GPR132: variants seen among roughly 807,000 people sequenced by gnomAD.
GPR132 encodes probable G protein-coupled receptor 132.
A neutral mutation model predicts 1.9 loss-of-function variants in GPR132; 4 were observed. The observed-to-expected ratio is 2.13, with a 90% CI of 1.05 to 4.87. The LOEUF (loss-of-function observed/expected upper bound fraction) is 4.87. Ranked by LOEUF, GPR132 falls within the 30% of genes most tolerant of loss-of-function variation. The pLI is 0.01. For synonymous variants in GPR132, 233 were observed against 234.2 expected, an observed-to-expected ratio of 0.99 and a Z score of 0.05; for missense variants, 404 against 512.5, an observed-to-expected ratio of 0.79 and a Z score of 2.04.
chr14:105,055,607 T>C lies in GPR132; in HGVS notation c.-187A>G, dbSNP rs1467593887. The stretch of plus-strand genomic sequence containing the variant: ...ACGTGGGTGGGCATCTCTGCGTGTC[T>C]TCAGCGTGTGTCCTTCCGTGTCTCA... On this transcript the variant is annotated 5_prime_UTR_variant, in exon 3 of 4. Coordinates refer to ENST00000329797, the MANE Select transcript of GPR132 (RefSeq NM_013345.4). This position sits in a 1 kb window ranked among gnomAD's most constrained non-coding sequence, Gnocchi z 4.7. The C allele has an allele frequency of 1.5e-5, 10 of 645,914 alleles. No individual in the cohort carries two copies. The highest frequency in any genetic ancestry group is 1.1e-4 in the South Asian group (6 of 55,570). 40.0% of individuals were successfully genotyped at this position (645,914 alleles called of 1,614,324 possible). A position where few individuals can be genotyped will look rare whatever the true frequency, so the allele number is the denominator to read the frequency against.
chr14:105,061,499 C>T (rs1886941275), intron 1 of GPR132, among the ~76,000 whole-genome samples: 1 of 152,160 alleles, frequency 6.6e-6, no homozygotes, highest in Admixed American at 6.5e-5. Context: ...AGCCCAGTGG[C>T]CCCACCCGCC....
Position 105,057,260 on chromosome 14 carries a change from A to G in GPR132, c.-840T>C, listed in dbSNP as rs1886818871. The G allele has an allele frequency of 1.1e-6, 1 of 896,588 alleles. No homozygotes were observed. The highest frequency in any genetic ancestry group is 1.7e-5 in the African/African-American group (1 of 60,558). 55.5% of individuals were successfully genotyped at this position (896,588 alleles called of 1,614,324 possible). ...TCTTGTCGGTCCTATCAAGACGTTC[A>G]CTCTGAGAGTTTAAAATGACCTGGA... On this transcript the variant is annotated 5_prime_UTR_variant, in exon 2 of 4. Coordinates refer to ENST00000329797, the MANE Select transcript of GPR132 (RefSeq NM_013345.4).
chr14:105,065,212 G>A (rs577201391), intron 1 of GPR132, among the ~76,000 whole-genome samples, 167 bp downstream of exon 1: 3 of 152,162 alleles, frequency 2.0e-5, no homozygotes, highest in South Asian at 2.1e-4. Flanking sequence ...GGGTTCTCTC[G>A]GGAGGGACCC....
intron 1 of GPR132, among the ~76,000 whole-genome samples, chr14:105,058,440 AAGAC>A (rs1230362368): frequency 2.0e-5 from 3 of 152,258 alleles, no homozygotes; most frequent in African/African-American, 7.2e-5. Flanking sequence ...GAATATCTGA[AAGAC>A]AGTCTTTTAA....
Position 105,051,163 on chromosome 14 carries a change from C to A in GPR132, c.974G>T (p.Gly325Val). ...TGTCTTCATGGACCACTCTTTCCAC[C>A]CCTTATGGATTCTGGACACTTCTTG... ...SRQEVSRIHKGWKEWSMKTDV... is the reference protein window; with the variant it reads ...SRQEVSRIHKVWKEWSMKTDV... Residue 325 changes from glycine (G) to valine (V), a missense_variant, in exon 4 of 4, where the codon GGG becomes GTG. Gly to Val is a moderately radical substitution (Grantham distance 109). Coordinates refer to ENST00000329797, the MANE Select transcript of GPR132 (RefSeq NM_013345.4). The surrounding 1 kb of genome is among the most constrained non-coding windows in gnomAD (Gnocchi z 8.0). The A allele has an allele frequency of 1.2e-6, 2 of 1,614,182 alleles. No homozygotes were observed. Among genetic ancestry groups the A allele is most frequent in the Admixed American group, 1.7e-5 (1 of 60,022 alleles).
intron 1 of GPR132, chr14:105,057,511 C>CTTTTTTT (rs11299805): frequency 1.5e-4 from 13 of 88,862 alleles, no homozygotes; most frequent in East Asian, 3.1e-4. Context: ...ACATACGATT[C>CTTTTTTT]TTTTTTTTTT....
intron 1 of GPR132, among the ~76,000 whole-genome samples, chr14:105,064,176 G>C (rs1161119439): frequency 1.3e-5 from 2 of 152,046 alleles, no homozygotes; most frequent in Non-Finnish European, 2.9e-5. Context: ...CACGGTTGCT[G>C]GCCATTCCTA....
intron 1 of GPR132, among the ~76,000 whole-genome samples, chr14:105,058,361 A>T (rs929767043): frequency 2.0e-5 from 3 of 152,262 alleles, no homozygotes; most frequent in African/African-American, 7.2e-5. Context: ...CCCCGTCTCA[A>T]GAAAAAAGAA....
chr14:105,057,236 CT>C lies in GPR132; in HGVS notation c.-817del. ...AGCTTTCTAAGTACATGTCATGCGTCTTGTCGGTCCTATCAAGACGTTCACT... is the reference window on the plus strand; with the variant it reads ...AGCTTTCTAAGTACATGTCATGCGTCTGTCGGTCCTATCAAGACGTTCACT... On this transcript the variant is annotated 5_prime_UTR_variant, in exon 2 of 4. Transcript: ENST00000329797. The C allele has an allele frequency of 8.4e-7, 1 of 1,193,774 alleles. No homozygotes were observed. Among genetic ancestry groups the C allele is most frequent in the Non-Finnish European group, 1.2e-6 (1 of 835,702 alleles). The allele number at this position is 1,193,774 out of a possible 1,614,324, so 73.9% of individuals were successfully genotyped here.
rs768590591 is a variant in GPR132 at position 105,051,708 on chromosome 14, G to A, written c.429C>T (p.Ala143=). ...CCCGACTCTCCAGCGCGTACACCAC[G>A]GCCACGAAGCGGTCGCAGGAGATGC... The part of the protein sequence containing the change: ...LCCISCDRFV[A]VVYALESRGR... The change falls in exon 4 of 4, where the codon GCC becomes GCT. Residue 143 remains alanine, a synonymous_variant. Coordinates refer to ENST00000329797, the MANE Select transcript of GPR132 (RefSeq NM_013345.4). This position sits in a 1 kb window ranked among gnomAD's most constrained non-coding sequence, Gnocchi z 8.0. 1.7e-5 allele frequency: 27 copies of A among 1,613,942 alleles called. No homozygotes were observed. The highest frequency in any genetic ancestry group is 2.2e-5 in the South Asian group (2 of 91,090).
At position 105,051,568 on chromosome 14, in the gene GPR132, A is replaced by G. The variant is rs780674711; in HGVS notation, c.569T>C (p.Leu190Pro). Residue 190 changes from leucine to proline, a missense_variant, in exon 4 of 4, where the codon CTG becomes CCG. Coordinates refer to ENST00000329797, the MANE Select transcript of GPR132 (RefSeq NM_013345.4). The surrounding 1 kb of genome is among the most constrained non-coding windows in gnomAD (Gnocchi z 8.0). ...TEDKETCFDM[L>P]QMDSRIAGYY... Reference sequence around the variant, plus strand: ...CCCGGCAATCCTGCTGTCCATCTGCAGCATGTCAAAGCAGGTCTCCTTGTC... The same window carrying G: ...CCCGGCAATCCTGCTGTCCATCTGCGGCATGTCAAAGCAGGTCTCCTTGTC... The G allele has an allele frequency of 2.5e-6, 4 of 1,614,040 alleles. No homozygotes were observed. The highest frequency in any genetic ancestry group is 2.7e-5 in the African/African-American group (2 of 75,048).
chr14:105,054,240 C>G lies in GPR132; in HGVS notation c.34+1147G>C, dbSNP rs889427986. ...GGGCGGGGCAAACTTCAGCTGTGCC[C>G]TGGCGCGAGGTCAGGGGTCCCTGGG... On this transcript the variant is annotated intron_variant, in intron 3 of 3. Transcript: ENST00000329797. The G allele has an allele frequency of 6.6e-5, 78 of 1,175,778 alleles. No homozygotes were observed. The African/African-American group carries it at 8.7e-4, about 13-fold the overall frequency. 72.8% of individuals were successfully genotyped at this position (1,175,778 alleles called of 1,614,324 possible). A position where few individuals can be genotyped will look rare whatever the true frequency, so the allele number is the denominator to read the frequency against.
Position 105,051,788 on chromosome 14 carries a change from C to T in GPR132, c.349G>A (p.Val117Met). ...RWTLGLLACK[V>M]TAYIFFCNIY... ...TTGCAGAAGAAGATGTAGGCGGTCACCTTGCAGGCCAGCAGGCCTAGGGTC... is the reference window on the plus strand; with the variant it reads ...TTGCAGAAGAAGATGTAGGCGGTCATCTTGCAGGCCAGCAGGCCTAGGGTC... The change falls in exon 4 of 4, where the codon GTG (valine) becomes ATG (methionine). Residue 117 changes from valine (V) to methionine (M), a missense_variant. Val to Met is a conservative substitution (Grantham distance 21). Coordinates refer to ENST00000329797, the MANE Select transcript of GPR132 (RefSeq NM_013345.4). This position sits in a 1 kb window ranked among gnomAD's most constrained non-coding sequence, Gnocchi z 8.0. 2 of 1,614,136 alleles carry T rather than the reference C, an allele frequency of 1.2e-6. No homozygotes were observed. The highest frequency in any genetic ancestry group is 1.7e-6 in the Non-Finnish European group (2 of 1,180,036).
Position 105,051,837 on chromosome 14 carries a change from G to A in GPR132, c.300C>T (p.Ile100=). 1 of 1,614,146 alleles carries A rather than the reference G, an allele frequency of 6.2e-7. No homozygotes were observed. Among genetic ancestry groups the A allele is most frequent in the Non-Finnish European group, 8.5e-7 (1 of 1,180,042 alleles). Residue 100 remains isoleucine (I), a synonymous_variant, in exon 4 of 4, where the codon ATC becomes ATT. Coordinates refer to ENST00000329797, the MANE Select transcript of GPR132 (RefSeq NM_013345.4). This position sits in a 1 kb window ranked among gnomAD's most constrained non-coding sequence, Gnocchi z 8.0. ...TCCAGCGGTGCTGGTTGCGGATATAGATGACCCAGAGTGGCAGCGTGCCTG... is the reference window on the plus strand; with the variant it reads ...TCCAGCGGTGCTGGTTGCGGATATAAATGACCCAGAGTGGCAGCGTGCCTG... The part of the protein sequence containing the change: ...LYTGTLPLWV[I]YIRNQHRWTL...
chr14:105,059,573 C>CA lies in GPR132; in HGVS notation c.-860-2294_-860-2293insT, dbSNP rs551537034. On this transcript the variant is annotated intron_variant, in intron 1 of 3. Transcript: ENST00000329797. The surrounding 1 kb of genome is among the most constrained non-coding windows in gnomAD (Gnocchi z 4.2). Reference sequence around the variant, plus strand: ...AATGCAACCATTTGTCTCTCGCCTACCTGTGTAGGCGAGAGACAAATGGTT... The same window carrying CA: ...AATGCAACCATTTGTCTCTCGCCTACACTGTGTAGGCGAGAGACAAATGGTT... Among the ~76,000 whole-genome samples the CA allele has an allele frequency of 1.5e-3, 223 of 151,958 alleles. 2 individuals are homozygous for CA. The highest frequency in any genetic ancestry group is 3.8e-3 in the African/African-American group (156 of 41,464).
Position 105,059,470 on chromosome 14 carries a change from T to G in GPR132, c.-860-2190A>C, listed in dbSNP as rs1243004345. On this transcript the variant is annotated intron_variant, in intron 1 of 3. Transcript: ENST00000329797. The surrounding 1 kb of genome is among the most constrained non-coding windows in gnomAD (Gnocchi z 4.2). ...CAGCGCCGATCTGCCTGGCGTTCTA[T>G]TCAGTCATCCCTCTGCTCACTGAGA... Among the ~76,000 whole-genome samples the G allele has an allele frequency of 1.3e-5, 2 of 152,176 alleles. No individual in the cohort carries two copies. The highest frequency in any genetic ancestry group is 2.9e-5 in the Non-Finnish European group (2 of 68,024).
At chr14:105,052,785 T>C (rs1196186229) in intron 3 of GPR132, among the ~76,000 whole-genome samples, 2 of 151,454 alleles carry the variant, frequency 1.3e-5, no homozygotes, top group African/African-American at 4.8e-5. Context: ...GGAGAAACCC[T>C]GTCTCTACTA....
At chr14:105,057,441 G>A in intron 1 of GPR132, 161 bp from the exon 2 acceptor site, 1 of 397,056 alleles carries the variant, frequency 2.5e-6, no homozygotes, top group Non-Finnish European at 4.5e-6. Context: ...TCCCACATGA[G>A]AAACACAAGC....
At chr14:105,062,547 T>TA (rs1886974342) in intron 1 of GPR132, among the ~76,000 whole-genome samples, 1 of 147,166 alleles carries the variant, frequency 6.8e-6, no homozygotes, top group African/African-American at 2.5e-5. Context: ...TTTCTTTTTT[T>TA]TTTTTTTTTT....
Sources: gnomAD v4.1 joint callset for allele counts (sites outside exome capture counted in the v4.1 genomes callset) on GRCh38, gnomAD v4.1.1 for gene constraint, Gnocchi (gnomAD v3.1) non-coding constraint, MANE v1.5 for transcripts, NCBI Gene and HGNC (gene_info 2026-07-23, HGNC 2026-07-21) for gene names.